The following RTEL1 variants were observed in gnomAD, a reference collection of about 807,000 sequenced individuals.
The protein encoded by RTEL1 is regulator of telomere length.
Under a neutral mutation model 162.2 loss-of-function variants are expected in RTEL1, and 86 were observed. The observed-to-expected ratio is 0.53, with a 90% confidence interval of 0.45 to 0.63. The LOEUF (loss-of-function observed/expected upper bound fraction) is 0.63. RTEL1 is among the 30% of genes least tolerant of loss of function. The probability of loss-of-function intolerance (pLI) is 0.00; values close to 1 mark genes in which losing one functional copy is unlikely to be tolerated. For synonymous variants in RTEL1, 958 were observed against 717.9 expected, an observed-to-expected ratio of 1.33 and a Z score of -5.35; for missense variants, 1,941 against 1,750.2, an observed-to-expected ratio of 1.11 and a Z score of -1.95.
At chr20:63,686,049 T>C (rs2090585822) in intron 16 of RTEL1, 177 bp downstream of exon 16, 1 of 651,046 alleles carries the variant, frequency 1.5e-6, no homozygotes, top group Non-Finnish European at 2.7e-6. Context: ...AGATTGGAGT[T>C]ACTGAGAGAC....
chr20:63,676,230 G>A (rs544614992), intron 10 of RTEL1, among the ~76,000 whole-genome samples: 11 of 152,256 alleles, frequency 7.2e-5, no homozygotes, highest in East Asian at 3.9e-4. Context: ...GACTACAGGC[G>A]TGTGCCACTG....
At chr20:63,672,486 CAT>C (rs534105546) in intron 8 of RTEL1, 68 bp from the exon 9 acceptor site, 5 of 1,244,612 alleles carry the variant, frequency 4.0e-6, no homozygotes, top group African/African-American at 3.0e-5. Flanking sequence ...GCCTGCTGCA[CAT>C]GTCTTGGCTT....
At position 63,661,608 on chromosome 20, in the gene RTEL1, CAAGG is replaced by C. The variant is rs1366993206; in HGVS notation, c.301+114_301+117del. ...CTCCTGCCGTCTCTCAAGCAGAACT[CAAGG>C]AGAATTTTTTAGCTGCTGTATAATT... On this transcript the variant is annotated intron_variant, in intron 3 of 34. Transcript: ENST00000360203. This position sits in a 1 kb window ranked among gnomAD's most constrained non-coding sequence, Gnocchi z 5.1. 8.6e-7 allele frequency: 1 copy of C among 1,163,152 alleles called. No individual in the cohort carries two copies. Among genetic ancestry groups the C allele is most frequent in the Admixed American group, 2.4e-5 (1 of 42,076 alleles). The allele number at this position is 1,163,152 out of a possible 1,614,324, so 72.1% of individuals were successfully genotyped here. A position where few individuals can be genotyped will look rare whatever the true frequency, so the allele number is the denominator to read the frequency against.
chr20:63,665,975 G>GT (rs2090118394), intron 6 of RTEL1, 29 bp from the exon 7 acceptor site: 1 of 1,608,990 alleles, frequency 6.2e-7, no homozygotes, highest in African/African-American at 1.3e-5. Flanking sequence ...CCCTGAGGGT[G>GT]TGTGTTTACC....
Position 63,661,882 on chromosome 20 carries a change from G to T in RTEL1, c.334G>T (p.Ala112Ser). Residue 112 changes from alanine (A) to serine (S), a missense_variant, in exon 4 of 35, where the codon GCC (alanine) becomes TCC (serine). Coordinates refer to ENST00000360203, the MANE Select transcript of RTEL1 (RefSeq NM_001283009.2). This position sits in a 1 kb window ranked among gnomAD's most constrained non-coding sequence, Gnocchi z 5.1. ...CACGGACATCCCAAAGATTATTTAC[G>T]CCTCCAGGACCCACTCGCAACTCAC... is the stretch of plus-strand genomic sequence containing the variant. Reference protein sequence around the residue: ...CYTDIPKIIYASRTHSQLTQV... With the variant: ...CYTDIPKIIYSSRTHSQLTQV... 1 of 1,613,970 alleles carries T rather than the reference G, an allele frequency of 6.2e-7. No individual in the cohort carries two copies.
rs1568726669 is a variant in RTEL1 at position 63,695,487 on chromosome 20, C to T, written c.3659C>T (p.Pro1220Leu). ...HGPAASEWGE[P>L]HGRDIAGQQA... The stretch of plus-strand genomic sequence containing the variant: ...CCTGCAGCATCTGAGTGGGGTGAGC[C>T]TCATGGGAGAGACATCGCTGGGCAG... The change falls in exon 34 of 35, where the codon CCT (proline) becomes CTT (leucine). Residue 1220 changes from proline (P) to leucine (L), a missense_variant. By Grantham distance (98) the Pro-to-Leu change is moderately conservative. Coordinates refer to ENST00000360203, the MANE Select transcript of RTEL1 (RefSeq NM_001283009.2). The T allele has an allele frequency of 6.2e-7, 1 of 1,609,164 alleles. No individual in the cohort carries two copies. Among genetic ancestry groups the T allele is most frequent in the African/African-American group, 1.3e-5 (1 of 75,034 alleles).
At chr20:63,659,559 C>A in intron 2 of RTEL1, 55 bp downstream of exon 2, 1 of 1,342,246 alleles carries the variant, frequency 7.5e-7, no homozygotes, top group Non-Finnish European at 1.1e-6. Flanking sequence ...TCAGCCAGGA[C>A]GGGGTGTGCT....
At chr20:63,681,298 G>A (rs915569368) in intron 14 of RTEL1, 11 of 985,240 alleles carry the variant, frequency 1.1e-5, no homozygotes, top group Middle Eastern at 5.2e-4. Flanking sequence ...GTGCTTGTCC[G>A]GTTTGTGGAG....
chr20:63,671,461 C>T (rs1400213409), intron 8 of RTEL1, among the ~76,000 whole-genome samples: 3 of 151,994 alleles, frequency 2.0e-5, no homozygotes, highest in Admixed American at 2.0e-4. Context: ...ACTCAGTACA[C>T]TTAAAATGAA....
At chr20:63,689,198 C>G (rs2090666655) in intron 22 of RTEL1, 66 bp downstream of exon 22, 1 of 1,484,922 alleles carries the variant, frequency 6.7e-7, no homozygotes, top group East Asian at 2.3e-5. Flanking sequence ...TTATGGCTCC[C>G]CAGCAGACTC....
chr20:63,693,453 ACCTCCACCT>A (rs2090829178), intron 30 of RTEL1, among the ~76,000 whole-genome samples, 170 bp downstream of exon 30: 2 of 37,036 alleles, frequency 5.4e-5, no homozygotes. Flanking sequence ...CAGCAGCACC[ACCTCCACCT>A]CCACCTCCAC....
intron 7 of RTEL1, among the ~76,000 whole-genome samples, 175 bp downstream of exon 7, chr20:63,666,254 T>G (rs1316333475): frequency 6.6e-6 from 1 of 152,194 alleles, no homozygotes; most frequent in African/African-American, 2.4e-5. Flanking sequence ...GAGTAAAAAA[T>G]TGTCTCCCTC....
intron 10 of RTEL1, among the ~76,000 whole-genome samples, chr20:63,676,762 G>A (rs544454185): frequency 2.6e-5 from 4 of 152,238 alleles, no homozygotes; most frequent in South Asian, 2.1e-4. Flanking sequence ...GTGAAACCCC[G>A]TCTCTACTAA....
At chr20:63,672,373 G>A (rs2090261494) in intron 8 of RTEL1, among the ~76,000 whole-genome samples, 183 bp from the exon 9 acceptor site, 2 of 152,288 alleles carry the variant, frequency 1.3e-5, no homozygotes, top group African/African-American at 4.8e-5. Flanking sequence ...CCGGTATGGC[G>A]AACTGCTGGT....
chr20:63,662,966 G>T, intron 6 of RTEL1, 77 bp downstream of exon 6: 1 of 1,431,488 alleles, frequency 7.0e-7, no homozygotes. Context: ...TGGTGTCACA[G>T]CCTGGTTGTG....
chr20:63,661,503 C>T lies in RTEL1; in HGVS notation c.301+7C>T, dbSNP rs200648296. 821 of 1,607,090 alleles carry T rather than the reference C, an allele frequency of 5.1e-4. 8 individuals carry two copies. In the African/African-American group the frequency reaches 8.9e-3, roughly 17 times the overall value. ...GCTGCTGGAGACCCCATAGGTGACC[C>T]TAGTTCCCAGGCCTCTCCTGGCCTC... On this transcript the variant is annotated splice_region_variant and intron_variant, in intron 3 of 34. Coordinates refer to ENST00000360203, the MANE Select transcript of RTEL1 (RefSeq NM_001283009.2). The surrounding 1 kb of genome is among the most constrained non-coding windows in gnomAD (Gnocchi z 5.1).
In RTEL1 at chr20:63,692,934, T is replaced by G. The variant is rs953069213; in HGVS notation, c.2782T>G (p.Phe928Val). Residue 928 changes from phenylalanine (F) to valine (V), a missense_variant, in exon 29 of 35, where the codon TTC (phenylalanine) becomes GTC (valine). Transcript: ENST00000360203. ...ALQDYKGSDDFAALAACLGPL... is the reference protein window; with the variant it reads ...ALQDYKGSDDVAALAACLGPL... The stretch of plus-strand genomic sequence containing the variant: ...GCAGGACTACAAGGGTTCCGATGAC[T>G]TCGCCGCCCTGGCCGCCTGTCTCGG... 4 of 1,612,520 alleles carry G rather than the reference T, an allele frequency of 2.5e-6. No individual in the cohort carries two copies. In the African/African-American group the frequency reaches 4.0e-5, roughly 16 times the overall value.
At position 63,695,141 on chromosome 20, in the gene RTEL1, A is replaced by T. The variant is rs200622914; in HGVS notation, c.3419A>T (p.Tyr1140Phe). 75 of 1,612,062 alleles carry T rather than the reference A, an allele frequency of 4.7e-5. 1 individual carries two copies. Among genetic ancestry groups the T allele is most frequent in the Non-Finnish European group, 6.2e-5 (73 of 1,179,798 alleles). Reference protein sequence around the residue: ...QTCTDLTGRPYPGMEPPGPQE... With the variant: ...QTCTDLTGRPFPGMEPPGPQE... The stretch of plus-strand genomic sequence containing the variant: ...TGCACAGACCTGACCGGCCGGCCCT[A>T]CCCGGGCATGGAGCCACCGGGACCC... Residue 1140 changes from tyrosine (Y) to phenylalanine (F), a missense_variant, in exon 33 of 35, where the codon TAC (tyrosine) becomes TTC (phenylalanine). By Grantham distance (22) the Tyr-to-Phe change is conservative. Coordinates refer to ENST00000360203, the MANE Select transcript of RTEL1 (RefSeq NM_001283009.2).
intron 10 of RTEL1, among the ~76,000 whole-genome samples, chr20:63,677,265 G>C (rs150791899): frequency 2.0e-5 from 3 of 152,336 alleles, no homozygotes; most frequent in African/African-American, 7.2e-5. Flanking sequence ...TTGTTACTGG[G>C]TGTTTTCGTG....
Sources: allele counts gnomAD v4.1 joint callset (sites outside exome capture counted in the v4.1 genomes callset), GRCh38; gene constraint gnomAD v4.1.1; non-coding constraint Gnocchi (gnomAD v3.1); transcripts MANE v1.5; gene names NCBI Gene and HGNC (gene_info 2026-07-23, HGNC 2026-07-21).